The following TMC2 variants were observed in gnomAD, a reference collection of about 807,000 sequenced individuals.
TMC2 encodes transmembrane channel like 2.
Under a neutral mutation model 105.9 loss-of-function variants are expected in TMC2, and 102 were observed. That is an observed-to-expected ratio of 0.96 (90% CI 0.82 to 1.14). The LOEUF (loss-of-function observed/expected upper bound fraction) is 1.14, where lower values mean the gene tolerates loss of function less well. Among genes scored for constraint, TMC2 ranks in the 50% most tolerant of loss-of-function variants. The probability of loss-of-function intolerance (pLI) is 0.00; values close to 1 mark genes in which losing one functional copy is unlikely to be tolerated. For synonymous variants in TMC2, 402 were observed against 422.8 expected (o/e 0.95, Z 0.60); for missense variants, 1,093 against 1,134.3 (o/e 0.96, Z 0.52).
At chr20:2,626,745 T>C (rs1378344575) in intron 17 of TMC2, among the ~76,000 whole-genome samples, 1 of 152,244 alleles carries the variant, frequency 6.6e-6, no homozygotes, top group Non-Finnish European at 1.5e-5. Flanking sequence ...GAGCACAGTC[T>C]TTTAGGGGTC....
intron 2 of TMC2, 45 bp downstream of exon 2, chr20:2,537,361 G>C (rs1284546602): frequency 4.0e-6 from 6 of 1,511,894 alleles, no homozygotes; most frequent in Non-Finnish European, 4.5e-6. Flanking sequence ...CAGTGCCTGG[G>C]TGCCCTCTGC....
intron 5 of TMC2, among the ~76,000 whole-genome samples, chr20:2,576,603 T>A (rs2086146479): frequency 1.3e-5 from 2 of 152,238 alleles, no homozygotes; most frequent in Non-Finnish European, 2.9e-5. Context: ...GGACTCGCAT[T>A]AATAAAGCTT....
chr20:2,581,641 G>A (rs1387393929), intron 7 of TMC2, among the ~76,000 whole-genome samples: 2 of 152,144 alleles, frequency 1.3e-5, no homozygotes, highest in African/African-American at 4.8e-5. Flanking sequence ...CTTTCTTCTT[G>A]GAAGCTTTTA....
intron 11 of TMC2, among the ~76,000 whole-genome samples, chr20:2,605,873 GA>G (rs1321833663): frequency 6.6e-6 from 1 of 152,192 alleles, no homozygotes; most frequent in Non-Finnish European, 1.5e-5. Flanking sequence ...AAAAGAGAAG[GA>G]AAAGGTGCTG....
intron 10 of TMC2, among the ~76,000 whole-genome samples, chr20:2,601,846 G>GAGGGAC (rs2086353930): frequency 6.6e-6 from 1 of 152,230 alleles, no homozygotes; most frequent in Admixed American, 6.5e-5. Context: ...AAGAAAAAAA[G>GAGGGAC]AGGGACAATG....
At chr20:2,639,230 T>C (rs1174788286) in intron 19 of TMC2, among the ~76,000 whole-genome samples, 1 of 152,176 alleles carries the variant, frequency 6.6e-6, no homozygotes, top group Admixed American at 6.5e-5. Flanking sequence ...GTAACCTAAG[T>C]GCGCAGTGTT....
chr20:2,591,766 G>A (rs562448382), intron 7 of TMC2, among the ~76,000 whole-genome samples: 21 of 151,452 alleles, frequency 1.4e-4, no homozygotes, highest in African/African-American at 4.6e-4. Flanking sequence ...AAAAGGAAAG[G>A]AAAAGAAAAG....
At position 2,579,242 on chromosome 20, in the gene TMC2, G is replaced by T. The variant is rs764788636; in HGVS notation, c.727+15G>T. The T allele has an allele frequency of 2.0e-6, 3 of 1,522,746 alleles. No individual in the cohort carries two copies. The highest frequency in any genetic ancestry group is 2.7e-6 in the Non-Finnish European group (3 of 1,097,146). The allele number at this position is 1,522,746 out of a possible 1,614,324, so 94.3% of individuals were successfully genotyped here. On this transcript the variant is annotated intron_variant, in intron 6 of 19. Transcript: ENST00000358864. The stretch of plus-strand genomic sequence containing the variant: ...GGACATTGAAAGTGAGTATGCTGGT[G>T]TCACTGTTTTTTTAATTGGTTTCCT...
chr20:2,582,392 T>G (rs2086198777), intron 7 of TMC2, among the ~76,000 whole-genome samples: 1 of 152,170 alleles, frequency 6.6e-6, no homozygotes, highest in Admixed American at 6.5e-5. Context: ...CCCATGGATG[T>G]TTTAAAATGA....
intron 16 of TMC2, among the ~76,000 whole-genome samples, chr20:2,623,395 C>T (rs2086539577): frequency 6.6e-6 from 1 of 152,008 alleles, no homozygotes; most frequent in South Asian, 2.1e-4. Context: ...AAAAATTAGG[C>T]AGGCGTGGTG....
chr20:2,612,125 T>A, intron 12 of TMC2, 66 bp from the exon 13 acceptor site: 1 of 1,474,136 alleles, frequency 6.8e-7, no homozygotes, highest in South Asian at 1.5e-5. Flanking sequence ...GCTTTCACTG[T>A]TCTTATGGAA....
At chr20:2,601,357 T>A (rs558000010) in intron 10 of TMC2, among the ~76,000 whole-genome samples, 1 of 152,370 alleles carries the variant, frequency 6.6e-6, no homozygotes, top group East Asian at 1.9e-4. Context: ...CCAAAAATAC[T>A]ATCTAGCTTT....
chr20:2,568,564 G>A (rs1042118044), intron 4 of TMC2, among the ~76,000 whole-genome samples: 3 of 152,194 alleles, frequency 2.0e-5, no homozygotes, highest in Non-Finnish European at 2.9e-5. Context: ...CTACTTTTGA[G>A]AATTGTTAAC....
chr20:2,616,874 C>T lies in TMC2; in HGVS notation c.1941-198C>T, dbSNP rs937033100. On this transcript the variant is annotated intron_variant, in intron 15 of 19. Transcript: ENST00000358864. The surrounding 1 kb of genome is among the most constrained non-coding windows in gnomAD (Gnocchi z 4.8). ...GCTTAAGCCAGGAATGCTCGGAGTG[C>T]CTCCCTCTCCTGAGGACTGCATGGT... Among the ~76,000 whole-genome samples the T allele has an allele frequency of 1.3e-4, 20 of 152,332 alleles. No individual in the cohort carries two copies. Among genetic ancestry groups the T allele is most frequent in the Non-Finnish European group, 2.5e-4 (17 of 68,028 alleles).
intron 17 of TMC2, among the ~76,000 whole-genome samples, chr20:2,633,007 T>G (rs569915236): frequency 6.6e-6 from 1 of 152,328 alleles, no homozygotes; most frequent in East Asian, 1.9e-4. Flanking sequence ...TTGTTATAAT[T>G]GTTGTCGTTA....
At position 2,643,404 on chromosome 20, in the gene TMC2, G is replaced by A. The variant is rs948326005; in HGVS notation, c.*2053G>A. ...AGCCATTGGTCCCCTAGTGATTACT[G>A]TCAGGCCTCCACTGGTTACTAATAC... On this transcript the variant is annotated 3_prime_UTR_variant, in exon 20 of 20. Transcript: ENST00000358864. Among the ~76,000 whole-genome samples the A allele has an allele frequency of 6.6e-6, 1 of 152,190 alleles. No homozygotes were observed. The highest frequency in any genetic ancestry group is 1.5e-5 in the Non-Finnish European group (1 of 68,042).
intron 3 of TMC2, among the ~76,000 whole-genome samples, chr20:2,560,505 G>A (rs190871039): frequency 1.8e-4 from 27 of 152,164 alleles, no homozygotes; most frequent in Admixed American, 1.0e-3. Flanking sequence ...CCGATTGGGC[G>A]CTGTCTCACT....
intron 15 of TMC2, 45 bp from the exon 16 acceptor site, chr20:2,617,027 T>C: frequency 6.2e-7 from 1 of 1,612,322 alleles, no homozygotes; most frequent in Non-Finnish European, 8.5e-7. Context: ...TCCCTCGCCT[T>C]CCCTGCTGTC....
chr20:2,579,958 G>A lies in TMC2; in HGVS notation c.736G>A (p.Gly246Ser). 6.2e-7 allele frequency: 1 copy of A among 1,612,910 alleles called. No individual in the cohort carries two copies. The highest frequency in any genetic ancestry group is 8.5e-7 in the Non-Finnish European group (1 of 1,179,042). Residue 246 changes from glycine to serine, a missense_variant, in exon 7 of 20, where the codon GGT becomes AGT. Physicochemically the swap from Gly to Ser is moderately conservative, Grantham distance 56 (BLOSUM62 0). Transcript: ENST00000358864. ...GTCTTTTCTCTCTCTAGGTCACTTT[G>A]GTTCTTCAGTGGCATCGTATTTCAT... ...MKIKDIESHF[G>S]SSVASYFIFL...
Sources: gnomAD v4.1 joint callset for allele counts (sites outside exome capture counted in the v4.1 genomes callset) on GRCh38, gnomAD v4.1.1 for gene constraint, Gnocchi (gnomAD v3.1) non-coding constraint, MANE v1.5 for transcripts, NCBI Gene and HGNC (gene_info 2026-07-23, HGNC 2026-07-21) for gene names.